The following SGCD variants were observed in gnomAD, a reference collection of about 807,000 sequenced individuals.
SGCD encodes sarcoglycan delta.
Under a neutral mutation model 36.6 loss-of-function variants are expected in SGCD, and 18 were observed. The observed-to-expected ratio is 0.49, with a 90% CI of 0.34 to 0.73. SGCD has a LOEUF of 0.73. Among genes scored for constraint, SGCD ranks in the 30% least tolerant of loss-of-function variants. The pLI is 0.01. For missense variants in SGCD, 387 were observed against 346.7 expected, an observed-to-expected ratio of 1.12 and a Z score of -0.92; for synonymous variants, 133 against 130.6, an observed-to-expected ratio of 1.02 and a Z score of -0.12.
At chr5:155,736,419 TAAGGGTC>T in the SGCD span, among the ~76,000 whole-genome samples, 1 of 152,194 alleles carries the variant, frequency 6.6e-6, no homozygotes. Flanking sequence ...ATTTGGTATC[TAAGGGTC>T]AAGTGCAAGG....
intron 1 of SGCD, among the ~76,000 whole-genome samples, chr5:155,939,514 T>A (rs1226233728): frequency 6.6e-6 from 1 of 151,416 alleles, no homozygotes; most frequent in East Asian, 2.0e-4. Context: ...TGTGGTGACA[T>A]GTGCCTGTAG....
the SGCD span, among the ~76,000 whole-genome samples, chr5:155,735,050 A>C: frequency 8.9e-4 from 136 of 152,360 alleles, no homozygotes; most frequent in African/African-American, 3.1e-3. Context: ...TGCCTGACAT[A>C]TAGAAACCTC....
chr5:156,311,018 G>C (rs1383233350), intron 3 of SGCD, among the ~76,000 whole-genome samples: 4 of 152,258 alleles, frequency 2.6e-5, no homozygotes, highest in African/African-American at 9.6e-5. Flanking sequence ...AGAGGGAACA[G>C]CATCTGTGAA....
intron 3 of SGCD, among the ~76,000 whole-genome samples, chr5:156,468,868 C>T (rs1450928196): frequency 6.6e-6 from 1 of 152,040 alleles, no homozygotes; most frequent in Non-Finnish European, 1.5e-5. Flanking sequence ...GGCACATGCC[C>T]GTAATCCCAA....
At chr5:155,945,398 A>T (rs1016759691) in intron 1 of SGCD, among the ~76,000 whole-genome samples, 2 of 152,202 alleles carry the variant, frequency 1.3e-5, no homozygotes, top group East Asian at 1.9e-4. Flanking sequence ...CTGGGAAAAC[A>T]GTGGTAAGAA....
chr5:156,461,764 A>T (rs1359062715), intron 3 of SGCD, among the ~76,000 whole-genome samples: 3 of 152,078 alleles, frequency 2.0e-5, no homozygotes, highest in African/African-American at 7.2e-5. Flanking sequence ...TAGGAGGGAG[A>T]TATGAAGTAG....
chr5:156,054,731 C>T lies in SGCD; in HGVS notation c.-281-63147C>T, dbSNP rs989816417. ...ATATTCATTATCCCATTTCTTTTCT[C>T]TTTCCTAAACTTGAAGTAGCATTTT... On this transcript the variant is annotated intron_variant, in intron 1 of 9. Coordinates refer to the SGCD transcript ENST00000517913. Among the ~76,000 whole-genome samples, 24 of 146,828 alleles carry T rather than the reference C, an allele frequency of 1.6e-4. 1 individual carries two copies. Among genetic ancestry groups the T allele is most frequent in the African/African-American group, 4.9e-4 (20 of 40,872 alleles).
rs1447326522 is a variant in SGCD at position 156,388,230 on chromosome 5, A to G, written c.192+43553A>G. ...GGCAAGGCAGCTATTGAGAAATTCA[A>G]GAAGTGAGTGGAAGAACTGTATTTT... On this transcript the variant is annotated intron_variant, in intron 3 of 8. Transcript: ENST00000337851. 7.9e-5 allele frequency among the ~76,000 whole-genome samples: 12 copies of G among 152,360 alleles called. No individual in the cohort carries two copies. The East Asian group carries it at 2.3e-3, about 29-fold the overall frequency.
intron 1 of SGCD, among the ~76,000 whole-genome samples, chr5:155,875,616 T>C (rs920118749): frequency 6.6e-6 from 1 of 151,964 alleles, no homozygotes; most frequent in Non-Finnish European, 1.5e-5. Context: ...TATTTTTAGA[T>C]AGAATTCACA....
chr5:156,519,059 A>G (rs1033362145), intron 4 of SGCD, among the ~76,000 whole-genome samples: 1 of 152,040 alleles, frequency 6.6e-6, no homozygotes, highest in African/African-American at 2.4e-5. Flanking sequence ...CAAATCTAGG[A>G]GCTGGTTTTT....
Position 156,287,051 on chromosome 5 carries a change from G to A in SGCD, c.-43-42483G>A, listed in dbSNP as rs1452514813. Among the ~76,000 whole-genome samples the A allele has an allele frequency of 2.0e-5, 3 of 152,088 alleles. No individual in the cohort carries two copies. In the East Asian group the frequency reaches 5.8e-4, roughly 29 times the overall value. ...TGTTTACATTCTAAAAGGGAAATACGACAACAAAGAGGGTAAACAAATAGC... is the reference window on the plus strand; with the variant it reads ...TGTTTACATTCTAAAAGGGAAATACAACAACAAAGAGGGTAAACAAATAGC... On this transcript the variant is annotated intron_variant, in intron 3 of 9. Coordinates refer to the SGCD transcript ENST00000517913.
chr5:156,506,850 C>T (rs256824), intron 3 of SGCD, among the ~76,000 whole-genome samples: 42,373 of 151,982 alleles, frequency 0.28, 6,089 homozygotes, highest in East Asian at 0.4. Context: ...AACTAAAATT[C>T]AGAGTTAGCA....
rs192628690 is a variant in SGCD at position 156,719,339 on chromosome 5, G to A, written c.576-38242G>A. ...TTCTGGAGCCTAATCTGCTTTACTC[G>A]AAGTCCACTGATATAAATGTTAATC... On this transcript the variant is annotated intron_variant, in intron 7 of 8. Coordinates refer to ENST00000337851, the MANE Select transcript of SGCD (RefSeq NM_000337.6). Among the ~76,000 whole-genome samples the A allele has an allele frequency of 1.9e-3, 285 of 151,604 alleles. 3 individuals are homozygous for A. The highest frequency in any genetic ancestry group is 3.3e-3 in the Admixed American group (50 of 15,208).
At chr5:156,091,815 C>T (rs1416083147) in intron 1 of SGCD, among the ~76,000 whole-genome samples, 1 of 152,250 alleles carries the variant, frequency 6.6e-6, no homozygotes, top group East Asian at 1.9e-4. Flanking sequence ...GAGGCATGAA[C>T]ACAGTGACCA....
chr5:155,939,660 T>A (rs1032914143), intron 1 of SGCD, among the ~76,000 whole-genome samples: 115 of 114,038 alleles, frequency 1.0e-3, no homozygotes, highest in Admixed American at 4.0e-3. Flanking sequence ...AAAAAAAAAA[T>A]AATAATAATG....
At chr5:155,881,573 T>TG (rs949334354) in intron 1 of SGCD, among the ~76,000 whole-genome samples, 3 of 152,274 alleles carry the variant, frequency 2.0e-5, no homozygotes, top group African/African-American at 2.4e-5. Context: ...CTGATCAGAA[T>TG]GTGTTTGGTG....
chr5:156,011,190 T>C (rs1359144713), intron 1 of SGCD, among the ~76,000 whole-genome samples: 1 of 152,176 alleles, frequency 6.6e-6, no homozygotes, highest in Non-Finnish European at 1.5e-5. Flanking sequence ...ATTAAATCCT[T>C]ATAATGGCTC....
intron 3 of SGCD, among the ~76,000 whole-genome samples, chr5:156,428,852 C>T (rs1014723688): frequency 2.0e-5 from 3 of 151,948 alleles, no homozygotes; most frequent in African/African-American, 7.2e-5. Context: ...TTTGTGGGTT[C>T]TATTTGTGGG....
Position 156,764,826 on chromosome 5 carries a change from G to A in SGCD, c.*5436G>A, listed in dbSNP as rs1009491984. The A allele has an allele frequency of 6.6e-6, 1 of 152,184 alleles. No homozygotes were observed. The highest frequency in any genetic ancestry group is 2.4e-5 in the African/African-American group (1 of 41,430). The allele number at this position is 152,184 out of a possible 1,614,324, so 9.4% of individuals were successfully genotyped here. Reference sequence around the variant, plus strand: ...AACAGTCTCAAACCTTCCAACAACAGTGCTCACTGCTGCTCCTCAACTTCA... The same window carrying A: ...AACAGTCTCAAACCTTCCAACAACAATGCTCACTGCTGCTCCTCAACTTCA... On this transcript the variant is annotated 3_prime_UTR_variant, in exon 9 of 9. Coordinates refer to ENST00000337851, the MANE Select transcript of SGCD (RefSeq NM_000337.6).
Sources: gnomAD v4.1 joint callset for allele counts (sites outside exome capture counted in the v4.1 genomes callset) on GRCh38, gnomAD v4.1.1 for gene constraint, MANE v1.5 for transcripts, NCBI Gene and HGNC (gene_info 2026-07-23, HGNC 2026-07-21) for gene names.